The following EPB41L2 variants were observed in gnomAD, a reference collection of about 807,000 sequenced individuals.
EPB41L2 encodes the protein erythrocyte membrane protein band 4.1 like 2, also known as band 4.1-like protein 2.
Under a neutral mutation model 113.0 loss-of-function variants are expected in EPB41L2, and 43 were observed. That is an observed-to-expected ratio of 0.38 (90% CI 0.30 to 0.49). EPB41L2 has a LOEUF of 0.49. Ranked by LOEUF, EPB41L2 falls within the 20% of genes least tolerant of loss-of-function variation. The pLI, the probability that EPB41L2 is intolerant of heterozygous loss-of-function variation, is 0.95. For synonymous variants in EPB41L2, 442 were observed against 436.7 expected (o/e 1.01, Z -0.15); for missense variants, 1,147 against 1,223.4 (o/e 0.94, Z 0.93).
chr6:130,995,284 G>A (rs1350339524), intron 1 of EPB41L2, among the ~76,000 whole-genome samples: 5 of 152,002 alleles, frequency 3.3e-5, no homozygotes, highest in Non-Finnish European at 7.3e-5. Context: ...GCAGTGAGCC[G>A]AGATCGCACC....
intron 3 of EPB41L2, among the ~76,000 whole-genome samples, chr6:130,952,372 T>C (rs1292992900): frequency 1.1e-5 from 1 of 94,508 alleles, no homozygotes; most frequent in Non-Finnish European, 2.9e-5. Flanking sequence ...CTATTTCTTA[T>C]AGTATACAAA....
At chr6:130,988,238 A>C (rs575277030) in intron 1 of EPB41L2, among the ~76,000 whole-genome samples, 14 of 152,372 alleles carry the variant, frequency 9.2e-5, no homozygotes, top group African/African-American at 3.1e-4. Context: ...ATAGCAGATA[A>C]AGAAGAATAA....
chr6:131,060,775 C>A (rs1798498120), intron 1 of EPB41L2, among the ~76,000 whole-genome samples: 1 of 152,168 alleles, frequency 6.6e-6, no homozygotes. Flanking sequence ...GAACTTCCTT[C>A]TTTTATATTT....
At chr6:130,848,321 C>T (rs1235810315) in intron 19 of EPB41L2, among the ~76,000 whole-genome samples, 1 of 151,864 alleles carries the variant, frequency 6.6e-6, no homozygotes, top group Non-Finnish European at 1.5e-5. Context: ...CAGATCAACA[C>T]TGTCCAAGAG....
chr6:130,987,447 CT>C (rs1422887198), intron 1 of EPB41L2, among the ~76,000 whole-genome samples: 2 of 152,138 alleles, frequency 1.3e-5, no homozygotes, highest in Admixed American at 1.3e-4. Flanking sequence ...AATCCCAGCC[CT>C]TTGGGAGGCC....
At chr6:130,910,657 C>T (rs752584413) in intron 4 of EPB41L2, among the ~76,000 whole-genome samples, 1 of 152,090 alleles carries the variant, frequency 6.6e-6, no homozygotes, top group South Asian at 2.1e-4. Flanking sequence ...CCAGAATCTA[C>T]AAGGAACTTA....
chr6:131,008,288 A>C (rs914900566), intron 1 of EPB41L2, among the ~76,000 whole-genome samples: 5 of 152,256 alleles, frequency 3.3e-5, no homozygotes, highest in African/African-American at 1.2e-4. Flanking sequence ...CAGAGGTGCA[A>C]GCCCCAAGCC....
intron 1 of EPB41L2, among the ~76,000 whole-genome samples, chr6:130,965,164 C>T (rs1221495690): frequency 6.6e-6 from 1 of 152,166 alleles, no homozygotes; most frequent in Non-Finnish European, 1.5e-5. Flanking sequence ...ATTGAGTACT[C>T]TCAAAGCATA....
intron 3 of EPB41L2, 74 bp from the exon 4 acceptor site, chr6:130,926,783 T>C: frequency 1.2e-6 from 1 of 811,348 alleles, no homozygotes; most frequent in Non-Finnish European, 2.0e-6. Context: ...AGACATCATA[T>C]CAGATACATG....
At chr6:130,915,201 G>A (rs1021437772) in intron 4 of EPB41L2, among the ~76,000 whole-genome samples, 1 of 151,564 alleles carries the variant, frequency 6.6e-6, no homozygotes, top group Non-Finnish European at 1.5e-5. Context: ...TACTTGGGAG[G>A]CTGAGGCAGG....
intron 1 of EPB41L2, among the ~76,000 whole-genome samples, chr6:130,974,893 G>T (rs1777850618): frequency 6.6e-6 from 1 of 151,578 alleles, no homozygotes; most frequent in South Asian, 2.1e-4. Flanking sequence ...GAGTACCTGG[G>T]ACTACAGGTG....
chr6:131,016,979 T>C (rs941769051), intron 1 of EPB41L2, among the ~76,000 whole-genome samples: 3 of 152,152 alleles, frequency 2.0e-5, no homozygotes, highest in Admixed American at 6.6e-5. Flanking sequence ...TATTTGCACA[T>C]GACTTTTTCA....
intron 1 of EPB41L2, among the ~76,000 whole-genome samples, chr6:131,010,525 G>A (rs976715477): frequency 1.3e-5 from 2 of 151,092 alleles, no homozygotes; most frequent in African/African-American, 4.9e-5. Flanking sequence ...TAATTCTCGT[G>A]TCTCAGCCTC....
rs185620058 is a variant in EPB41L2, at chr6:131,052,218, T to C, written c.-15+10937A>G. 1.4e-3 allele frequency among the ~76,000 whole-genome samples: 214 copies of C among 152,282 alleles called. 2 individuals carry two copies. Among genetic ancestry groups the C allele is most frequent in the African/African-American group, 4.8e-3 (201 of 41,558 alleles). ...TCCCGAAGTGCTAAGATTACAGGCATGAGCCACTGCACCCAGCCACTGATG... is the reference window on the plus strand; with the variant it reads ...TCCCGAAGTGCTAAGATTACAGGCACGAGCCACTGCACCCAGCCACTGATG... On this transcript the variant is annotated intron_variant, in intron 1 of 19. Coordinates refer to ENST00000337057, the MANE Select transcript of EPB41L2 (RefSeq NM_001431.4).
At chr6:130,859,139 G>A (rs1343366608) in intron 18 of EPB41L2, among the ~76,000 whole-genome samples, 1 of 152,200 alleles carries the variant, frequency 6.6e-6, no homozygotes, top group Non-Finnish European at 1.5e-5. Flanking sequence ...TTTTTCAGAG[G>A]AGGAAAATAG....
chr6:131,038,834 A>G (rs1488934797), intron 1 of EPB41L2, among the ~76,000 whole-genome samples: 1 of 152,236 alleles, frequency 6.6e-6, no homozygotes, highest in Non-Finnish European at 1.5e-5. Context: ...CTAACAAAAG[A>G]GTCATGATAG....
At chr6:130,912,584 T>A (rs1364660714) in intron 4 of EPB41L2, among the ~76,000 whole-genome samples, 1 of 152,176 alleles carries the variant, frequency 6.6e-6, no homozygotes, top group Non-Finnish European at 1.5e-5. Context: ...CATGCACTAC[T>A]GACGTGAGGG....
intron 1 of EPB41L2, among the ~76,000 whole-genome samples, chr6:130,998,337 C>T (rs1783616470): frequency 6.6e-6 from 1 of 152,136 alleles, no homozygotes; most frequent in Non-Finnish European, 1.5e-5. Context: ...TCCTATAACA[C>T]CATACAAAAA....
In EPB41L2 at chr6:130,875,984, CAA is replaced by C. The variant is rs11452626; in HGVS notation, c.2043+2118_2043+2119del. Among the ~76,000 whole-genome samples the C allele has an allele frequency of 1.7e-4, 22 of 128,448 alleles. No individual in the cohort carries two copies. The East Asian group carries it at 2.3e-3, about 13-fold the overall frequency. The allele number at this position is 128,448 out of a possible 152,430, so 84.3% of individuals were successfully genotyped here. A position where few individuals can be genotyped will look rare whatever the true frequency, so the allele number is the denominator to read the frequency against. On this transcript the variant is annotated intron_variant, in intron 14 of 19. Transcript: ENST00000337057. ...CGGGCGAATGTGCAAGAGTGCATCT[CAA>C]AAAAAAAAAAAAGAAGAAAGAAAAA...
Sources: allele counts gnomAD v4.1 joint callset (sites outside exome capture counted in the v4.1 genomes callset), GRCh38; gene constraint gnomAD v4.1.1; transcripts MANE v1.5; gene names NCBI Gene and HGNC (gene_info 2026-07-23, HGNC 2026-07-21).